The following LIF variants were observed in gnomAD, a reference collection of about 807,000 sequenced individuals.
LIF encodes the protein LIF interleukin 6 family cytokine.
In LIF, 9 loss-of-function variants were observed where a neutral mutation model predicts 15.0. That is an observed-to-expected ratio of 0.60 (90% confidence interval 0.36 to 1.04). The LOEUF (loss-of-function observed/expected upper bound fraction) is 1.04, where lower values mean the gene tolerates loss of function less well. Ranked by LOEUF, LIF falls within the 50% of genes least tolerant of loss-of-function variation. The pLI is 0.01. For missense variants in LIF, 240 were observed against 266.7 expected, an observed-to-expected ratio of 0.90 and a Z score of 0.70; for synonymous variants, 122 against 119.7, an observed-to-expected ratio of 1.02 and a Z score of -0.13.
chr22:30,244,090 A>G lies in LIF; in HGVS notation c.199-29T>C, dbSNP rs777751525. On this transcript the variant is annotated intron_variant, in intron 2 of 2. Coordinates refer to ENST00000249075, the MANE Select transcript of LIF (RefSeq NM_002309.5). ...AGGGGCAGAAGGGAGGTGACGTGGG[A>G]GTCAGGGGTCAGTGTCCCAGCCCTG... The G allele has an allele frequency of 3.8e-6, 6 of 1,581,818 alleles. No individual in the cohort carries two copies. In the East Asian group the frequency reaches 1.1e-4, roughly 30 times the overall value.
chr22:30,245,099 G>A (rs142188790), intron 1 of LIF, among the ~76,000 whole-genome samples, 166 bp from the exon 2 acceptor site: 92 of 152,318 alleles, frequency 6.0e-4, no homozygotes, highest in African/African-American at 2.0e-3. Context: ...CTCTGTCACT[G>A]CGTGTGTTTC....
Position 30,243,809 on chromosome 22 carries a change from C to T in LIF, c.451G>A (p.Val151Met), listed in dbSNP as rs753939297. Residue 151 changes from valine to methionine, a missense_variant, in exon 3 of 3, where the codon GTG becomes ATG. Coordinates refer to ENST00000249075, the MANE Select transcript of LIF (RefSeq NM_002309.5). This position sits in a 1 kb window ranked among gnomAD's most constrained non-coding sequence, Gnocchi z 6.0. Reference sequence around the variant, plus strand: ...TACTTGCTGCACAGGCGGCACAGCACGTTGCTAAGGAGGCCTCGCAGGATG... The same window carrying T: ...TACTTGCTGCACAGGCGGCACAGCATGTTGCTAAGGAGGCCTCGCAGGATG... ...ADILRGLLSN[V>M]LCRLCSKYHV... 5.6e-6 allele frequency: 9 copies of T among 1,614,094 alleles called. No homozygotes were observed. In the Admixed American group the frequency reaches 1.0e-4, roughly 18 times the overall value.
At chr22:30,246,303 A>C in intron 1 of LIF, 1 of 346,050 alleles carries the variant, frequency 2.9e-6, no homozygotes, top group Non-Finnish European at 4.3e-6. Context: ...GGAAAGGAGA[A>C]AGCGGAAAGA....
chr22:30,246,510 C>G (rs574033645), intron 1 of LIF, 167 bp downstream of exon 1: 3 of 1,287,082 alleles, frequency 2.3e-6, no homozygotes, highest in African/African-American at 1.6e-5. Flanking sequence ...ACCATGTGCC[C>G]GCGCTCGCTC....
At chr22:30,244,106 C>T in intron 2 of LIF, 45 bp from the exon 3 acceptor site, 1 of 1,553,940 alleles carries the variant, frequency 6.4e-7, no homozygotes, top group Non-Finnish European at 8.7e-7. Context: ...GGGTCAGTGT[C>T]CCAGCCCTGC....
chr22:30,246,625 C>T (rs1221460806), intron 1 of LIF, 52 bp downstream of exon 1: 1 of 1,538,260 alleles, frequency 6.5e-7, no homozygotes, highest in African/African-American at 1.4e-5. Flanking sequence ...CCCAAGTTGC[C>T]GCCGCGCCCC....
chr22:30,244,782 G>A lies in LIF; in HGVS notation c.171C>T (p.Gly57=). Residue 57 remains glycine (G), a synonymous_variant, in exon 2 of 3, where the codon GGC becomes GGT. Transcript: ENST00000249075. ...AGAGAATAAAGAGGGCATTGGCACT[G>A]CCATTGAGCTGTGCCAGTTGGCTCC... ...QIRSQLAQLN[G]SANALFILYY... The A allele has an allele frequency of 6.2e-7, 1 of 1,614,198 alleles. No individual in the cohort carries two copies. The highest frequency in any genetic ancestry group is 2.2e-5 in the East Asian group (1 of 44,888).
intron 2 of LIF, 136 bp downstream of exon 2, chr22:30,244,619 T>A: frequency 1.3e-6 from 1 of 797,032 alleles, no homozygotes; most frequent in Non-Finnish European, 2.1e-6. Context: ...AGTCTGGGGG[T>A]GGTTTAATCA....
Position 30,243,684 on chromosome 22 carries a change from C to T in LIF, c.576G>A (p.Lys192=). 6.2e-7 allele frequency: 1 copy of T among 1,614,224 alleles called. No homozygotes were observed. The highest frequency in any genetic ancestry group is 1.6e-4 in the Middle Eastern group (1 of 6,062). Residue 192 remains lysine (K), a synonymous_variant, in exon 3 of 3, where the codon AAG becomes AAA. Transcript: ENST00000249075. The surrounding 1 kb of genome is among the most constrained non-coding windows in gnomAD (Gnocchi z 6.0). ...CCTGGGCCAACACGGCGATGATCTG[C>T]TTATACTTCCCCAGGAGTTGACAGC... ...KLGCQLLGKY[K]QIIAVLAQAF is the part of the protein sequence containing the mutation.
rs1482327580 is a variant in LIF, at chr22:30,242,962, G to A, written c.*689C>T. The A allele has an allele frequency of 6.4e-6, 1 of 155,986 alleles. No homozygotes were observed. Among genetic ancestry groups the A allele is most frequent in the Non-Finnish European group, 1.4e-5 (1 of 70,428 alleles). 9.7% of individuals were successfully genotyped at this position (155,986 alleles called of 1,614,324 possible). A position where few individuals can be genotyped will look rare whatever the true frequency, so the allele number is the denominator to read the frequency against. ...GGAAGAGAACGAAGAACCTACCAAA[G>A]CTTTCCAGGCCTCTCCTCCTCCCAG... On this transcript the variant is annotated 3_prime_UTR_variant, in exon 3 of 3. Transcript: ENST00000249075.
At position 30,243,623 on chromosome 22, in the gene LIF, G is replaced by A. The variant is rs1343167416; in HGVS notation, c.*28C>T. The A allele has an allele frequency of 8.7e-6, 14 of 1,613,838 alleles. No homozygotes were observed. The highest frequency in any genetic ancestry group is 1.6e-4 in the Middle Eastern group (1 of 6,084). On this transcript the variant is annotated 3_prime_UTR_variant, in exon 3 of 3. Coordinates refer to ENST00000249075, the MANE Select transcript of LIF (RefSeq NM_002309.5). This position sits in a 1 kb window ranked among gnomAD's most constrained non-coding sequence, Gnocchi z 6.0. Reference sequence around the variant, plus strand: ...CTGGACCCAACTCCTGAGATCCCTCGGTTCACAGCACACTTCAAGACCTCC... The same window carrying A: ...CTGGACCCAACTCCTGAGATCCCTCAGTTCACAGCACACTTCAAGACCTCC...
rs1203610568 is a variant in LIF at position 30,246,572 on chromosome 22, TG to T, written c.19+104del. On this transcript the variant is annotated intron_variant, in intron 1 of 2. Transcript: ENST00000249075. Reference sequence around the variant, plus strand: ...GCTGCGCGGGCGCCCCAAGTGTTCGTGTGTCTGCGGCGGGTGGGCGTCCGGC... The same window carrying T: ...GCTGCGCGGGCGCCCCAAGTGTTCGTTGTCTGCGGCGGGTGGGCGTCCGGC... The T allele has an allele frequency of 2.7e-6, 4 of 1,486,624 alleles. No individual in the cohort carries two copies. The African/African-American group carries it at 4.3e-5, about 16-fold the overall frequency. 92.1% of individuals were successfully genotyped at this position (1,486,624 alleles called of 1,614,324 possible). A position where few individuals can be genotyped will look rare whatever the true frequency, so the allele number is the denominator to read the frequency against.
rs1217292276 is a variant in LIF, at chr22:30,240,620, G to A, written c.*3031C>T. 4 of 152,500 alleles carry A rather than the reference G, an allele frequency of 2.6e-5. No individual in the cohort carries two copies. The allele number at this position is 152,500 out of a possible 1,614,324, so 9.4% of individuals were successfully genotyped here. A position where few individuals can be genotyped will look rare whatever the true frequency, so the allele number is the denominator to read the frequency against. ...ATCAAAGAGGAATTTGTCACCCAAG[G>A]CCATGTGCTTTTCAGTGGAAAGGAA... On this transcript the variant is annotated 3_prime_UTR_variant, in exon 3 of 3. Transcript: ENST00000249075.
chr22:30,245,937 C>G (rs1039385324), intron 1 of LIF, among the ~76,000 whole-genome samples: 1 of 152,212 alleles, frequency 6.6e-6, no homozygotes, highest in Non-Finnish European at 1.5e-5. Context: ...CCCCCAGGCC[C>G]CCTTAGACGC....
At chr22:30,245,786 A>G (rs1221980303) in intron 1 of LIF, among the ~76,000 whole-genome samples, 1 of 152,104 alleles carries the variant, frequency 6.6e-6, no homozygotes, top group East Asian at 1.9e-4. Flanking sequence ...GAAATGGTGC[A>G]CCAGGAGAGA....
At position 30,244,795 on chromosome 22, in the gene LIF, G is replaced by A. The variant is rs749557196; in HGVS notation, c.158C>T (p.Ala53Val). 1.9e-6 allele frequency: 3 copies of A among 1,614,202 alleles called. No homozygotes were observed. In the Admixed American group the frequency reaches 5.0e-5, roughly 27 times the overall value. The change falls in exon 2 of 3, where the codon GCA becomes GTA. Residue 53 changes from alanine (A) to valine (V), a missense_variant. By Grantham distance (64) the Ala-to-Val change is moderately conservative. Transcript: ENST00000249075. ...NLMNQIRSQL[A>V]QLNGSANALF... ...GGCATTGGCACTGCCATTGAGCTGTGCCAGTTGGCTCCTGATCTGGTTCAT... is the reference window on the plus strand; with the variant it reads ...GGCATTGGCACTGCCATTGAGCTGTACCAGTTGGCTCCTGATCTGGTTCAT...
At chr22:30,246,014 T>C (rs1171553040) in intron 1 of LIF, among the ~76,000 whole-genome samples, 1 of 152,206 alleles carries the variant, frequency 6.6e-6, no homozygotes, top group Non-Finnish European at 1.5e-5. Flanking sequence ...CGAGTGAGGC[T>C]GGAGACCTCC....
In LIF at chr22:30,246,735, A is replaced by G. The variant is rs1928917024; in HGVS notation, c.-40T>C. On this transcript the variant is annotated 5_prime_UTR_variant, in exon 1 of 3. Transcript: ENST00000249075. ...CAGAGGGCCTTGGAGGAAACCTCAG[A>G]TGCCGGCAGTTTTCAGAGGTTCATG... 3 of 1,548,640 alleles carry G rather than the reference A, an allele frequency of 1.9e-6. No individual in the cohort carries two copies. The highest frequency in any genetic ancestry group is 2.6e-6 in the Non-Finnish European group (3 of 1,144,460).
rs1928916566 is a variant in LIF at position 30,246,728 on chromosome 22, AC to A, written c.-34del. 2.6e-6 allele frequency: 4 copies of A among 1,550,548 alleles called. No individual in the cohort carries two copies. The highest frequency in any genetic ancestry group is 3.5e-6 in the Non-Finnish European group (4 of 1,145,686). Reference sequence around the variant, plus strand: ...TGCACTTCAGAGGGCCTTGGAGGAAACCTCAGATGCCGGCAGTTTTCAGAGG... The same window carrying A: ...TGCACTTCAGAGGGCCTTGGAGGAAACTCAGATGCCGGCAGTTTTCAGAGG... On this transcript the variant is annotated 5_prime_UTR_variant, in exon 1 of 3. Coordinates refer to ENST00000249075, the MANE Select transcript of LIF (RefSeq NM_002309.5).
Sources: gnomAD v4.1 joint callset for allele counts (sites outside exome capture counted in the v4.1 genomes callset) on GRCh38, gnomAD v4.1.1 for gene constraint, Gnocchi (gnomAD v3.1) non-coding constraint, MANE v1.5 for transcripts, NCBI Gene and HGNC (gene_info 2026-07-23, HGNC 2026-07-21) for gene names.